Variants in ZNF611 observed in about 807,000 individuals in gnomAD.
The protein encoded by ZNF611 is zinc finger protein 611.
ZNF611 carries 6 observed loss-of-function variants against 8.9 expected under a neutral mutation model. The ratio of observed to expected loss-of-function variants is 0.68; its 90% CI spans 0.37 to 1.34. The LOEUF (loss-of-function observed/expected upper bound fraction) is 1.34. Ranked by LOEUF, ZNF611 falls within the 40% of genes most tolerant of loss-of-function variation. The probability of loss-of-function intolerance (pLI) is 0.02; values close to 1 mark genes in which losing one functional copy is unlikely to be tolerated. For missense variants in ZNF611, 874 were observed against 841.3 expected (o/e 1.04, Z -0.48); for synonymous variants, 262 against 279.7 (o/e 0.94, Z 0.63).
At chr19:52,731,042 C>G (rs1291765512) in intron 1 of ZNF611, among the ~76,000 whole-genome samples, 1 of 151,888 alleles carries the variant, frequency 6.6e-6, no homozygotes, top group Non-Finnish European at 1.5e-5. Flanking sequence ...ACTACAGATG[C>G]ATGCCACCAC....
intron 1 of ZNF611, among the ~76,000 whole-genome samples, chr19:52,730,416 A>C (rs1339957001): frequency 1.2e-4 from 13 of 111,724 alleles, no homozygotes; most frequent in Admixed American, 4.6e-4. Flanking sequence ...AAAAAAAAAA[A>C]AAAAAAAACA....
In ZNF611 at chr19:52,705,373, C is replaced by T; in HGVS notation, c.1682G>A (p.Ser561Asn). The T allele has an allele frequency of 1.2e-6, 2 of 1,613,832 alleles. No homozygotes were observed. Among genetic ancestry groups the T allele is most frequent in the Non-Finnish European group, 1.7e-6 (2 of 1,179,950 alleles). Residue 561 changes from serine (S) to asparagine (N), a missense_variant, in exon 6 of 6, where the codon AGT becomes AAT. Ser to Asn is a conservative substitution (Grantham distance 46, BLOSUM62 1). Coordinates refer to ENST00000652185, the MANE Select transcript of ZNF611 (RefSeq NM_001161499.2). ...ATTACACTTGTAAGGTTTCTCTCCA[C>T]TATGAATTCTAGTATGTTTTGCCAG... ...SYLAKHTRIH[S>N]GEKPYKCNEC...
In ZNF611 at chr19:52,710,354, C is replaced by T. The variant is rs115838786; in HGVS notation, c.191-3490G>A. Among the ~76,000 whole-genome samples, 618 of 151,798 alleles carry T rather than the reference C, an allele frequency of 4.1e-3. 5 individuals are homozygous for T. The highest frequency in any genetic ancestry group is 0.014 in the African/African-American group (589 of 41,396). On this transcript the variant is annotated intron_variant, in intron 5 of 5. Transcript: ENST00000652185. ...AAGTGATTCTCATGTCTCAGCCTCA[C>T]GAGAAGCTGGGATTACAGGTTCATA...
chr19:52,715,053 T>C (rs745741403), intron 4 of ZNF611, among the ~76,000 whole-genome samples: 3 of 152,120 alleles, frequency 2.0e-5, no homozygotes, highest in Non-Finnish European at 4.4e-5. Context: ...GTTTTCTCTA[T>C]AGACATGCCA....
At chr19:52,725,150 AG>A in intron 3 of ZNF611, among the ~76,000 whole-genome samples, 2 of 152,296 alleles carry the variant, frequency 1.3e-5, no homozygotes, top group Middle Eastern at 3.4e-3. Context: ...GGAGCTGGGC[AG>A]GCAAGAACAC....
chr19:52,716,790 C>T (rs2062320264), intron 3 of ZNF611, among the ~76,000 whole-genome samples: 1 of 152,152 alleles, frequency 6.6e-6, no homozygotes, highest in Non-Finnish European at 1.5e-5. Flanking sequence ...AGCACAGTGG[C>T]TCAGGACTGT....
chr19:52,714,693 ACAAAAC>A lies in ZNF611; in HGVS notation c.64-558_64-553del, dbSNP rs753128892. 8.3e-5 allele frequency among the ~76,000 whole-genome samples: 6 copies of A among 72,370 alleles called. 1 individual carries two copies. In the East Asian group the frequency reaches 3.0e-3, roughly 37 times the overall value. The allele number at this position is 72,370 out of a possible 152,430, so 47.5% of individuals were successfully genotyped here. ...ACAGACTGACACTCCATCTCAAAAA[ACAAAAC>A]AAAACAAAACAAAAAAACAATGCCG... On this transcript the variant is annotated intron_variant, in intron 4 of 5. Transcript: ENST00000652185.
intron 5 of ZNF611, among the ~76,000 whole-genome samples, chr19:52,713,137 A>G (rs2062291791): frequency 6.6e-6 from 1 of 152,194 alleles, no homozygotes; most frequent in East Asian, 1.9e-4. Context: ...AGGAGGTTGC[A>G]GTGAGCCAAG....
intron 5 of ZNF611, among the ~76,000 whole-genome samples, chr19:52,709,324 G>A (rs940263617): frequency 1.3e-5 from 2 of 151,902 alleles, no homozygotes; most frequent in Non-Finnish European, 2.9e-5. Flanking sequence ...CCAGCCTGGA[G>A]TGCGGTGGTG....
intron 3 of ZNF611, among the ~76,000 whole-genome samples, chr19:52,728,135 T>TG (rs1193892844): frequency 6.6e-6 from 1 of 152,134 alleles, no homozygotes; most frequent in Admixed American, 6.5e-5. Context: ...CTTGAACTCC[T>TG]GACCTCGGGA....
rs2062431539 is a variant in ZNF611, at chr19:52,732,390, G to GTTATTCTGAATAACTCACAGTATTGAA, written c.-221-2386_-221-2385insTTCAATACTGTGAGTTATTCAGAATAA. On this transcript the variant is annotated intron_variant, in intron 1 of 5. Coordinates refer to ENST00000652185, the MANE Select transcript of ZNF611 (RefSeq NM_001161499.2). ...TATTCTGAATAACTCACAGTATTGAGTTATTCTGAATAACTCACAGTATTG... is the reference window on the plus strand; with the variant it reads ...TATTCTGAATAACTCACAGTATTGAGTTATTCTGAATAACTCACAGTATTGAATTATTCTGAATAACTCACAGTATTG... Among the ~76,000 whole-genome samples, 2 of 132,906 alleles carry GTTATTCTGAATAACTCACAGTATTGAA rather than the reference G, an allele frequency of 1.5e-5. 1 individual carries two copies. Among genetic ancestry groups the GTTATTCTGAATAACTCACAGTATTGAA allele is most frequent in the South Asian group, 4.7e-4 (2 of 4,250 alleles). 87.2% of individuals were successfully genotyped at this position (132,906 alleles called of 152,430 possible).
chr19:52,721,498 G>C (rs892160706), intron 3 of ZNF611, among the ~76,000 whole-genome samples: 8 of 152,226 alleles, frequency 5.3e-5, no homozygotes, highest in African/African-American at 1.9e-4. Context: ...GGCCAACATG[G>C]CGAAACCCCG....
intron 5 of ZNF611, among the ~76,000 whole-genome samples, chr19:52,713,485 C>A (rs1316311427): frequency 6.6e-6 from 1 of 152,146 alleles, no homozygotes. Flanking sequence ...GAATGATGTC[C>A]TCGCTGGGAG....
Position 52,704,952 on chromosome 19 carries a change from A to G in ZNF611, c.2103T>C (p.Thr701=), listed in dbSNP as rs758005801. Reference sequence around the variant, plus strand: ...CTTCACATTTCTAAGGTTTCTCTCCAGTATGAATTCTATGATGACGTGAAA... The same window carrying G: ...CTTCACATTTCTAAGGTTTCTCTCCGGTATGAATTCTATGATGACGTGAAA... The part of the protein sequence containing the change: ...SHLSRHHRIH[T]GEKP The change falls in exon 6 of 6, where the codon ACT becomes ACC. Residue 701 remains threonine (T), a synonymous_variant. Transcript: ENST00000652185. The G allele has an allele frequency of 6.2e-7, 1 of 1,614,158 alleles. No individual in the cohort carries two copies.
At chr19:52,728,037 G>A (rs2062403391) in intron 3 of ZNF611, among the ~76,000 whole-genome samples, 1 of 151,522 alleles carries the variant, frequency 6.6e-6, no homozygotes, top group Non-Finnish European at 1.5e-5. Flanking sequence ...CTCCTGAGTA[G>A]CTGGGACTAC....
At chr19:52,726,599 T>C (rs2062394883) in intron 3 of ZNF611, among the ~76,000 whole-genome samples, 1 of 151,904 alleles carries the variant, frequency 6.6e-6, no homozygotes, top group Non-Finnish European at 1.5e-5. Flanking sequence ...TTTGTATTTT[T>C]AGTAGAGAAG....
In ZNF611 at chr19:52,703,106, CAG is replaced by C; in HGVS notation, c.*1829_*1830del. ...TATAGGATGCTGCAAAGGCATCTTT[CAG>C]AAGTCATTATGTATTAAGAAATACA... On this transcript the variant is annotated 3_prime_UTR_variant, in exon 6 of 6. Coordinates refer to ENST00000652185, the MANE Select transcript of ZNF611 (RefSeq NM_001161499.2). The C allele has an allele frequency of 6.6e-6, 1 of 152,052 alleles. No homozygotes were observed. The highest frequency in any genetic ancestry group is 1.9e-4 in the East Asian group (1 of 5,180). 9.4% of individuals were successfully genotyped at this position (152,052 alleles called of 1,614,324 possible).
chr19:52,723,189 T>A (rs1568607511), intron 3 of ZNF611, among the ~76,000 whole-genome samples: 2 of 150,720 alleles, frequency 1.3e-5, no homozygotes, highest in Non-Finnish European at 3.0e-5. Flanking sequence ...CTGCAATTTA[T>A]CCCCTTCTTC....
chr19:52,710,249 G>T (rs62120889), intron 5 of ZNF611, among the ~76,000 whole-genome samples: 1 of 147,318 alleles, frequency 6.8e-6, no homozygotes, highest in Admixed American at 6.8e-5. Flanking sequence ...TTTTTTTTGG[G>T]AAACAGAATC....
Sources: gnomAD v4.1 joint callset for allele counts (sites outside exome capture counted in the v4.1 genomes callset) on GRCh38, gnomAD v4.1.1 for gene constraint, MANE v1.5 for transcripts, NCBI Gene and HGNC (gene_info 2026-07-23, HGNC 2026-07-21) for gene names.